Variants in TOPAZ1 observed in about 807,000 individuals in gnomAD.
TOPAZ1 encodes protein TOPAZ1.
A neutral mutation model predicts 172.2 loss-of-function variants in TOPAZ1; 66 were observed. The observed-to-expected ratio is 0.38, with a 90% confidence interval of 0.31 to 0.47. The LOEUF (loss-of-function observed/expected upper bound fraction) is 0.47, where lower values mean the gene tolerates loss of function less well. Among genes scored for constraint, TOPAZ1 ranks in the 20% least tolerant of loss-of-function variants. The pLI is 0.99. For missense variants in TOPAZ1, 1,822 were observed against 1,972.4 expected, an observed-to-expected ratio of 0.92 and a Z score of 1.44; for synonymous variants, 681 against 683.9, an observed-to-expected ratio of 1.00 and a Z score of 0.07.
intron 8 of TOPAZ1, among the ~76,000 whole-genome samples, chr3:44,280,632 G>A (rs1432468760): frequency 1.3e-5 from 2 of 152,192 alleles, no homozygotes; most frequent in Admixed American, 6.5e-5. Context: ...ATGAGCTGCT[G>A]TACCCAGCCT....
At chr3:44,323,357 TTATAA>T in intron 18 of TOPAZ1, 62 bp downstream of exon 18, 1 of 1,015,612 alleles carries the variant, frequency 9.8e-7, no homozygotes. Flanking sequence ...AACCCAGAAT[TTATAA>T]TATATAAGAT....
chr3:44,290,567 A>G (rs1054119126), intron 11 of TOPAZ1, among the ~76,000 whole-genome samples: 4 of 152,232 alleles, frequency 2.6e-5, no homozygotes, highest in African/African-American at 9.6e-5. Context: ...AAGAAAATCC[A>G]AAAACTTAAT....
intron 2 of TOPAZ1, among the ~76,000 whole-genome samples, chr3:44,253,682 G>T (rs4682734): frequency 0.48 from 72,351 of 151,744 alleles, 18,086 homozygotes; most frequent in East Asian, 0.8. Flanking sequence ...ATGTGCATTT[G>T]TGTATGTTTT....
At chr3:44,317,776 T>C (rs1259335790) in intron 16 of TOPAZ1, among the ~76,000 whole-genome samples, 2 of 152,362 alleles carry the variant, frequency 1.3e-5, no homozygotes, top group African/African-American at 4.8e-5. Context: ...ATAAAACTAG[T>C]ATTAAGCCCA....
At chr3:44,296,847 CAAAAAAAAAAAAAAAAAGA>C (rs1161734783) in intron 12 of TOPAZ1, among the ~76,000 whole-genome samples, 1 of 104,776 alleles carries the variant, frequency 9.5e-6, no homozygotes, top group Non-Finnish European at 1.8e-5. Flanking sequence ...CAGAGAATAC[CAAAAAAAAAAAAAAAAAGA>C]AAAAAAAAAG....
At chr3:44,263,035 A>G (rs1367911922) in intron 5 of TOPAZ1, among the ~76,000 whole-genome samples, 2 of 152,214 alleles carry the variant, frequency 1.3e-5, no homozygotes, top group African/African-American at 2.4e-5. Context: ...GAGAAGCATC[A>G]TCATGTAGGA....
In TOPAZ1 at chr3:44,243,738, A is replaced by G. The variant is rs533568766; in HGVS notation, c.1232A>G (p.His411Arg). 70 of 1,551,670 alleles carry G rather than the reference A, an allele frequency of 4.5e-5. No homozygotes were observed. The African/African-American group carries it at 9.0e-4, about 20-fold the overall frequency. The change falls in exon 2 of 20, where the codon CAT (histidine) becomes CGT (arginine). Residue 411 changes from histidine to arginine, a missense_variant. By Grantham distance (29) the His-to-Arg change is conservative. Coordinates refer to ENST00000309765, the MANE Select transcript of TOPAZ1 (RefSeq NM_001145030.2). ...TVEKETSSEH[H>R]VNAVFQKTIE... ...GAAAAAGAAACAAGTTCTGAACATCATGTAAATGCTGTGTTTCAGAAAACC... is the reference window on the plus strand; with the variant it reads ...GAAAAAGAAACAAGTTCTGAACATCGTGTAAATGCTGTGTTTCAGAAAACC...
intron 9 of TOPAZ1, among the ~76,000 whole-genome samples, chr3:44,282,434 A>G (rs910089107): frequency 2.0e-5 from 3 of 152,142 alleles, no homozygotes; most frequent in East Asian, 3.9e-4. Context: ...TTCCCTATAC[A>G]TGCCAGGCTG....
At chr3:44,259,759 C>T (rs1699754680) in intron 4 of TOPAZ1, among the ~76,000 whole-genome samples, 1 of 152,002 alleles carries the variant, frequency 6.6e-6, no homozygotes, top group Non-Finnish European at 1.5e-5. Flanking sequence ...ATTTTTTGTC[C>T]ATCTGCTTAT....
chr3:44,310,066 G>A, intron 16 of TOPAZ1, 76 bp downstream of exon 16: 1 of 1,325,032 alleles, frequency 7.5e-7, no homozygotes, highest in South Asian at 1.5e-5. Context: ...ATTACCTTAA[G>A]TTGATATTGA....
At chr3:44,246,874 T>TA (rs1235059556) in intron 2 of TOPAZ1, among the ~76,000 whole-genome samples, 2 of 152,204 alleles carry the variant, frequency 1.3e-5, no homozygotes, top group African/African-American at 4.8e-5. Context: ...TTTTAACTGT[T>TA]ATACCATACT....
rs1699513226 is a variant in TOPAZ1 at position 44,243,454 on chromosome 3, A to G, written c.948A>G (p.Lys316=). 1.3e-6 allele frequency: 2 copies of G among 1,551,736 alleles called. No homozygotes were observed. Among genetic ancestry groups the G allele is most frequent in the Non-Finnish European group, 1.7e-6 (2 of 1,146,976 alleles). The change falls in exon 2 of 20, where the codon AAA becomes AAG. Residue 316 remains lysine, a synonymous_variant. Coordinates refer to ENST00000309765, the MANE Select transcript of TOPAZ1 (RefSeq NM_001145030.2). ...NGLLSCLQHE[K]NKYSIEESSV... is the part of the protein sequence containing the mutation. ...TGCTTTCCTGCCTTCAACATGAAAA[A>G]AATAAATATTCAATAGAGGAGAGCA...
chr3:44,290,811 A>G lies in TOPAZ1; in HGVS notation c.3722A>G (p.Asn1241Ser), dbSNP rs191237585. 142 of 1,550,336 alleles carry G rather than the reference A, an allele frequency of 9.2e-5. No homozygotes were observed. The African/African-American group carries it at 1.7e-3, about 19-fold the overall frequency. ...ATGGTGCTTGACCCAGAGCACTTTAACTATATTGTTAAGCTTTTATACCAA... is the reference window on the plus strand; with the variant it reads ...ATGGTGCTTGACCCAGAGCACTTTAGCTATATTGTTAAGCTTTTATACCAA... Reference protein sequence around the residue: ...AGMVLDPEHFNYIVKLLYQVQ... With the variant: ...AGMVLDPEHFSYIVKLLYQVQ... The change falls in exon 12 of 20, where the codon AAC becomes AGC. Residue 1241 changes from asparagine (N) to serine (S), a missense_variant. Physicochemically the swap from Asn to Ser is conservative, Grantham distance 46 (BLOSUM62 1). Transcript: ENST00000309765.
chr3:44,295,518 A>C (rs1251480622), intron 12 of TOPAZ1, among the ~76,000 whole-genome samples: 1 of 152,214 alleles, frequency 6.6e-6, no homozygotes, highest in Non-Finnish European at 1.5e-5. Flanking sequence ...ATTAACTTTC[A>C]TTGTAAGGAT....
chr3:44,294,269 G>T (rs1049745035), intron 12 of TOPAZ1, among the ~76,000 whole-genome samples: 1 of 151,802 alleles, frequency 6.6e-6, no homozygotes, highest in Non-Finnish European at 1.5e-5. Flanking sequence ...GCCATCAAAC[G>T]ACGCATGACT....
At position 44,242,334 on chromosome 3, in the gene TOPAZ1, C is replaced by T. The variant is rs1325561822; in HGVS notation, c.281C>T (p.Ser94Leu). 1 of 1,551,072 alleles carries T rather than the reference C, an allele frequency of 6.4e-7. No individual in the cohort carries two copies. Among genetic ancestry groups the T allele is most frequent in the Non-Finnish European group, 8.7e-7 (1 of 1,147,108 alleles). Residue 94 changes from serine to leucine, a missense_variant, in exon 1 of 20, where the codon TCG becomes TTG. Ser to Leu is a moderately radical substitution (Grantham distance 145). Transcript: ENST00000309765. ...GRRGPVSPSD[S>L]SDPRGLEAAK... ...AGGGGCCCGGTGAGCCCGTCAGACT[C>T]GTCAGACCCGCGAGGCCTAGAAGCA...
chr3:44,318,756 C>T (rs1261032171), intron 16 of TOPAZ1, among the ~76,000 whole-genome samples: 1 of 141,560 alleles, frequency 7.1e-6, no homozygotes, highest in South Asian at 2.2e-4. Flanking sequence ...CCCCATTCCT[C>T]GGAAAAAAAA....
intron 16 of TOPAZ1, among the ~76,000 whole-genome samples, chr3:44,315,105 G>GTGGATGGA (rs34398632): frequency 0.037 from 5,527 of 149,930 alleles, 118 homozygotes; most frequent in African/African-American, 0.056. Context: ...ATTAGTTGAG[G>GTGGATGGA]TGGATGGATG....
intron 9 of TOPAZ1, among the ~76,000 whole-genome samples, chr3:44,285,629 G>A (rs1050109576): frequency 1.4e-4 from 21 of 151,172 alleles, no homozygotes; most frequent in Admixed American, 1.4e-3. Context: ...GAGTGCAGTC[G>A]CACGATCTTG....
Sources: allele counts gnomAD v4.1 joint callset (sites outside exome capture counted in the v4.1 genomes callset), GRCh38; gene constraint gnomAD v4.1.1; transcripts MANE v1.5; gene names NCBI Gene and HGNC (gene_info 2026-07-23, HGNC 2026-07-21).